TMEM132D: variants seen among roughly 807,000 people sequenced by gnomAD.
The protein encoded by TMEM132D is transmembrane protein 132D, also known as mature OL transmembrane protein.
A neutral mutation model predicts 62.3 loss-of-function variants in TMEM132D; 21 were observed. The ratio of observed to expected loss-of-function variants is 0.34; its 90% CI spans 0.24 to 0.49. TMEM132D has a LOEUF of 0.49. Among genes scored for constraint, TMEM132D ranks in the 20% least tolerant of loss-of-function variants. The pLI, the probability that TMEM132D is intolerant of heterozygous loss-of-function variation, is 0.99. For synonymous variants in TMEM132D, 621 were observed against 575.6 expected (o/e 1.08, Z -1.13); for missense variants, 1,346 against 1,402.8 (o/e 0.96, Z 0.65).
intron 3 of TMEM132D, among the ~76,000 whole-genome samples, chr12:129,383,355 G>T (rs1193479041): frequency 6.6e-6 from 1 of 152,168 alleles, no homozygotes; most frequent in Non-Finnish European, 1.5e-5. Context: ...TCAGTGTGCA[G>T]GATTTAGACA....
intron 5 of TMEM132D, among the ~76,000 whole-genome samples, chr12:129,091,520 A>C (rs193280132): frequency 6.6e-6 from 1 of 150,472 alleles, no homozygotes; most frequent in East Asian, 2.0e-4. Flanking sequence ...GACCTTACCT[A>C]TGCTCACCTG....
chr12:129,410,173 G>A (rs1232869295), intron 3 of TMEM132D, among the ~76,000 whole-genome samples: 1 of 152,084 alleles, frequency 6.6e-6, no homozygotes, highest in Non-Finnish European at 1.5e-5. Flanking sequence ...AGCCACCGAG[G>A]ATCTGAGCTT....
chr12:129,695,094 T>C (rs11608839), intron 2 of TMEM132D, among the ~76,000 whole-genome samples: 1 of 152,154 alleles, frequency 6.6e-6, no homozygotes, highest in South Asian at 2.1e-4. Context: ...TTCTGGGAGC[T>C]GCCTGATTCA....
chr12:129,773,568 A>C (rs1391313695), intron 1 of TMEM132D, among the ~76,000 whole-genome samples: 1 of 152,174 alleles, frequency 6.6e-6, no homozygotes, highest in African/African-American at 2.4e-5. Context: ...GACAAGCTTC[A>C]CTTCTCCCGA....
intron 1 of TMEM132D, among the ~76,000 whole-genome samples, chr12:129,750,588 T>C (rs1428166592): frequency 6.6e-6 from 1 of 152,214 alleles, no homozygotes; most frequent in Non-Finnish European, 1.5e-5. Flanking sequence ...AGAATGGAAC[T>C]CAGAGGCCAC....
chr12:129,290,429 G>A lies in TMEM132D; in HGVS notation c.1299+47205C>T, dbSNP rs114654854. ...ACACTATTCTAATTAACACACCTGA[G>A]CTGCTGCTAGCAGTAATAAGCTAGG... On this transcript the variant is annotated intron_variant, in intron 4 of 8. Transcript: ENST00000422113. Among the ~76,000 whole-genome samples, 556 of 152,226 alleles carry A rather than the reference G, an allele frequency of 3.7e-3. 7 individuals are homozygous for A. The highest frequency in any genetic ancestry group is 0.012 in the African/African-American group (507 of 41,534).
intron 4 of TMEM132D, among the ~76,000 whole-genome samples, chr12:129,213,291 G>A (rs965858734): frequency 6.6e-6 from 1 of 152,150 alleles, no homozygotes; most frequent in African/African-American, 2.4e-5. Context: ...CCAGGAGTTC[G>A]AGACCAGCCT....
intron 4 of TMEM132D, among the ~76,000 whole-genome samples, chr12:129,296,649 C>T (rs1277171687): frequency 6.6e-6 from 1 of 152,186 alleles, no homozygotes; most frequent in East Asian, 1.9e-4. Context: ...GTTAAAGGCA[C>T]TAAAGAGAGA....
chr12:129,575,597 C>T (rs1306438877), intron 2 of TMEM132D, among the ~76,000 whole-genome samples: 1 of 151,868 alleles, frequency 6.6e-6, no homozygotes, highest in African/African-American at 2.4e-5. Flanking sequence ...TGCCAGAAAG[C>T]TCAGACCAAT....
intron 1 of TMEM132D, among the ~76,000 whole-genome samples, chr12:129,901,956 C>A (rs953996980): frequency 6.6e-6 from 1 of 151,680 alleles, no homozygotes; most frequent in Non-Finnish European, 1.5e-5. Context: ...TCACTGAATT[C>A]ATCAACCTTT....
At chr12:129,846,845 C>T (rs529000122) in intron 1 of TMEM132D, among the ~76,000 whole-genome samples, 2 of 152,200 alleles carry the variant, frequency 1.3e-5, no homozygotes, top group Admixed American at 6.5e-5. Context: ...TGTCATGTTT[C>T]CTTTTATTGA....
At chr12:129,732,039 A>T (rs1308075328) in intron 1 of TMEM132D, among the ~76,000 whole-genome samples, 2 of 152,028 alleles carry the variant, frequency 1.3e-5, no homozygotes, top group African/African-American at 4.8e-5. Flanking sequence ...CATCGAGTGT[A>T]GGCCGGCCTT....
intron 2 of TMEM132D, among the ~76,000 whole-genome samples, chr12:129,535,738 GTGTTT>G (rs1406245890): frequency 6.6e-6 from 1 of 151,542 alleles, no homozygotes; most frequent in Non-Finnish European, 1.5e-5. Context: ...GGGAATTTCA[GTGTTT>G]TGTTTGTTGG....
At chr12:129,839,304 T>G (rs987253796) in intron 1 of TMEM132D, among the ~76,000 whole-genome samples, 2 of 151,442 alleles carry the variant, frequency 1.3e-5, no homozygotes, top group Non-Finnish European at 2.9e-5. Flanking sequence ...TATTTTGTAT[T>G]TTTAGTAAAA....
intron 5 of TMEM132D, among the ~76,000 whole-genome samples, chr12:129,088,488 T>C (rs112581714): frequency 3.0e-5 from 1 of 33,362 alleles, no homozygotes. Context: ...CATGACCGGG[T>C]GTCCTCCATG....
At chr12:129,890,347 G>A (rs765535403) in intron 1 of TMEM132D, among the ~76,000 whole-genome samples, 11 of 152,028 alleles carry the variant, frequency 7.2e-5, no homozygotes, top group Non-Finnish European at 4.4e-5. Context: ...TAGTCCTGCC[G>A]GGCCCTACAC....
intron 3 of TMEM132D, among the ~76,000 whole-genome samples, chr12:129,424,890 T>TTAGGACG (rs1872448009): frequency 6.6e-6 from 1 of 152,086 alleles, no homozygotes. Context: ...TAAGTGAATT[T>TTAGGACG]TAGGACGTTT....
intron 2 of TMEM132D, among the ~76,000 whole-genome samples, chr12:129,578,408 A>ATGTGTGTGTGTG (rs143488724): frequency 0.11 from 16,031 of 144,604 alleles, 1,485 homozygotes; most frequent in East Asian, 0.53. Flanking sequence ...TAATACAATT[A>ATGTGTGTGTGTG]TGTGTGTGTG....
At chr12:129,785,166 C>T (rs752946552) in intron 1 of TMEM132D, among the ~76,000 whole-genome samples, 6 of 152,096 alleles carry the variant, frequency 3.9e-5, no homozygotes, top group Non-Finnish European at 5.9e-5. Flanking sequence ...TGTGTGTAGG[C>T]GCCGTCCTAG....
Sources: gnomAD v4.1 joint callset for allele counts (sites outside exome capture counted in the v4.1 genomes callset) on GRCh38, gnomAD v4.1.1 for gene constraint, MANE v1.5 for transcripts, NCBI Gene and HGNC (gene_info 2026-07-23, HGNC 2026-07-21) for gene names.